CNTNAP5: variants seen among roughly 807,000 people sequenced by gnomAD.
The protein encoded by CNTNAP5 is contactin-associated protein-like 5.
Under a neutral mutation model 150.2 loss-of-function variants are expected in CNTNAP5, and 72 were observed. That is an observed-to-expected ratio of 0.48 (90% confidence interval 0.40 to 0.58). The LOEUF (loss-of-function observed/expected upper bound fraction) is 0.58. Ranked by LOEUF, CNTNAP5 falls within the 20% of genes least tolerant of loss-of-function variation. CNTNAP5 has a pLI of 0.00. For missense variants in CNTNAP5, 1,636 were observed against 1,626.2 expected, an observed-to-expected ratio of 1.01 and a Z score of -0.10; for synonymous variants, 672 against 619.8, an observed-to-expected ratio of 1.08 and a Z score of -1.25.
intron 2 of CNTNAP5, among the ~76,000 whole-genome samples, chr2:124,226,136 T>C (rs1177074708): frequency 1.3e-5 from 2 of 152,122 alleles, no homozygotes; most frequent in African/African-American, 4.8e-5. Flanking sequence ...TACAAAGTAG[T>C]TGTATTACTG....
At chr2:124,408,428 G>C (rs1475051449) in intron 3 of CNTNAP5, among the ~76,000 whole-genome samples, 2 of 152,164 alleles carry the variant, frequency 1.3e-5, no homozygotes, top group East Asian at 3.9e-4. Context: ...ACCTCTGGGG[G>C]CAGGGCACAG....
chr2:124,860,875 C>A lies in CNTNAP5; in HGVS notation c.3218-4431C>A, dbSNP rs148200272. On this transcript the variant is annotated intron_variant, in intron 19 of 23. Transcript: ENST00000682447. The stretch of plus-strand genomic sequence containing the variant: ...AACCTAATGAGAAGGGCATTCTGGG[C>A]AGCGGTGATCACCATGGGCTGTTGT... Among the ~76,000 whole-genome samples, 753 of 152,166 alleles carry A rather than the reference C, an allele frequency of 4.9e-3. 14 individuals carry two copies. Among genetic ancestry groups the A allele is most frequent in the Admixed American group, 0.032 (493 of 15,272 alleles).
chr2:124,573,950 G>C (rs1292807394), intron 11 of CNTNAP5, among the ~76,000 whole-genome samples: 1 of 152,114 alleles, frequency 6.6e-6, no homozygotes, highest in Non-Finnish European at 1.5e-5. Flanking sequence ...GGCATTTCCA[G>C]GTTAAATGGT....
At chr2:124,531,900 A>G (rs1695118973) in intron 10 of CNTNAP5, among the ~76,000 whole-genome samples, 2 of 152,238 alleles carry the variant, frequency 1.3e-5, no homozygotes. Context: ...GCACAGATTC[A>G]AGTTGCCCTG....
intron 18 of CNTNAP5, among the ~76,000 whole-genome samples, chr2:124,795,604 G>A (rs1162849489): frequency 1.3e-5 from 2 of 152,062 alleles, no homozygotes; most frequent in Non-Finnish European, 2.9e-5. Flanking sequence ...TGCAACTCAC[G>A]CCTCCTGGGT....
chr2:124,190,845 T>C (rs1484173557), intron 1 of CNTNAP5, among the ~76,000 whole-genome samples: 1 of 152,222 alleles, frequency 6.6e-6, no homozygotes, highest in Non-Finnish European at 1.5e-5. Context: ...CTGTGGGTAG[T>C]TTGTTCTAAG....
chr2:124,705,641 T>C (rs1234416306), intron 13 of CNTNAP5, among the ~76,000 whole-genome samples: 1 of 152,130 alleles, frequency 6.6e-6, no homozygotes. Flanking sequence ...TTATGGATGA[T>C]TTATAATAAG....
intron 1 of CNTNAP5, among the ~76,000 whole-genome samples, chr2:124,176,440 G>A: frequency 6.6e-6 from 1 of 152,280 alleles, no homozygotes; most frequent in Non-Finnish European, 1.5e-5. Context: ...GGATAGTATA[G>A]GGGCCAAGGG....
intron 19 of CNTNAP5, among the ~76,000 whole-genome samples, chr2:124,799,780 A>G (rs1378955961): frequency 1.3e-5 from 2 of 152,232 alleles, no homozygotes; most frequent in South Asian, 4.1e-4. Flanking sequence ...GCATGAAGTG[A>G]AATAATGATG....
intron 13 of CNTNAP5, among the ~76,000 whole-genome samples, chr2:124,670,609 TGTC>T (rs1678802776): frequency 2.1e-5 from 3 of 143,536 alleles, no homozygotes; most frequent in Non-Finnish European, 4.5e-5. Context: ...GTACTTTTGA[TGTC>T]AAAGCTAAAA....
At chr2:124,821,444 A>G (rs539943497) in intron 19 of CNTNAP5, among the ~76,000 whole-genome samples, 2 of 152,240 alleles carry the variant, frequency 1.3e-5, no homozygotes, top group East Asian at 3.9e-4. Flanking sequence ...AGAATTTCTG[A>G]TTTGTTATGT....
At chr2:124,699,513 C>T (rs1679475134) in intron 13 of CNTNAP5, among the ~76,000 whole-genome samples, 1 of 152,176 alleles carries the variant, frequency 6.6e-6, no homozygotes, top group Non-Finnish European at 1.5e-5. Flanking sequence ...TCAGCAGAGT[C>T]AAGTGAACAG....
At chr2:124,801,070 C>A (rs1045703490) in intron 19 of CNTNAP5, among the ~76,000 whole-genome samples, 3 of 152,126 alleles carry the variant, frequency 2.0e-5, no homozygotes, top group African/African-American at 4.8e-5. Context: ...TCCAGGGAAC[C>A]CATAGCAGTA....
chr2:124,836,567 C>T (rs73955853), intron 19 of CNTNAP5, among the ~76,000 whole-genome samples: 12,068 of 152,006 alleles, frequency 0.079, 1,568 homozygotes, highest in African/African-American at 0.27. Context: ...CCCTCCTGCC[C>T]GTCCTCAAGA....
At chr2:124,058,241 C>G (rs568562141) in intron 1 of CNTNAP5, among the ~76,000 whole-genome samples, 2 of 152,218 alleles carry the variant, frequency 1.3e-5, no homozygotes, top group African/African-American at 2.4e-5. Flanking sequence ...AGAATAAAGA[C>G]AAAATTTTAT....
chr2:124,485,336 G>A (rs1429647506), intron 7 of CNTNAP5, among the ~76,000 whole-genome samples: 6 of 152,178 alleles, frequency 3.9e-5, no homozygotes, highest in South Asian at 2.1e-4. Context: ...GTTACCGGCC[G>A]GGCACGGTGG....
chr2:124,589,428 T>G (rs2104958340), intron 11 of CNTNAP5, among the ~76,000 whole-genome samples: 1 of 152,360 alleles, frequency 6.6e-6, no homozygotes, highest in Non-Finnish European at 1.5e-5. Context: ...CATTCATTGG[T>G]TGGTAGGCTT....
chr2:124,690,893 C>T (rs754153792), intron 13 of CNTNAP5, among the ~76,000 whole-genome samples: 16 of 151,984 alleles, frequency 1.1e-4, no homozygotes, highest in Non-Finnish European at 1.6e-4. Flanking sequence ...TGTTGCTATA[C>T]GGGCAAAGGG....
chr2:124,801,367 C>A (rs1037733662), intron 19 of CNTNAP5, among the ~76,000 whole-genome samples: 7 of 152,134 alleles, frequency 4.6e-5, no homozygotes, highest in Non-Finnish European at 8.8e-5. Context: ...ATTTCTACAG[C>A]AATCTAACTA....
Sources: gnomAD v4.1 joint callset for allele counts (sites outside exome capture counted in the v4.1 genomes callset) on GRCh38, gnomAD v4.1.1 for gene constraint, MANE v1.5 for transcripts, NCBI Gene and HGNC (gene_info 2026-07-23, HGNC 2026-07-21) for gene names.